The following SCP2 variants were observed in gnomAD, a reference collection of about 807,000 sequenced individuals.
SCP2 encodes SCP-2/3-oxoacyl-CoA thiolase.
Under a neutral mutation model 71.4 loss-of-function variants are expected in SCP2, and 48 were observed. The ratio of observed to expected loss-of-function variants is 0.67; its 90% CI spans 0.53 to 0.86. The LOEUF (loss-of-function observed/expected upper bound fraction) is 0.86. Among genes scored for constraint, SCP2 ranks in the 40% least tolerant of loss-of-function variants. The probability of loss-of-function intolerance (pLI) is 0.00; values close to 1 mark genes in which losing one functional copy is unlikely to be tolerated. For synonymous variants in SCP2, 220 were observed against 218.1 expected, an observed-to-expected ratio of 1.01 and a Z score of -0.08; for missense variants, 560 against 655.6, an observed-to-expected ratio of 0.85 and a Z score of 1.59.
intron 5 of SCP2, among the ~76,000 whole-genome samples, chr1:52,960,666 A>G (rs1308776137): frequency 8.8e-5 from 13 of 147,042 alleles, no homozygotes; most frequent in African/African-American, 2.8e-4. Context: ...GTGTATATAT[A>G]TGTATGTGTA....
intron 10 of SCP2, 113 bp from the exon 11 acceptor site, chr1:52,987,916 G>C (rs1659140179): frequency 1.1e-5 from 8 of 699,954 alleles, no homozygotes; most frequent in South Asian, 7.9e-5. Flanking sequence ...AGTTTGAACT[G>C]TTAAGAAATA....
chr1:53,001,439 C>A (rs1392152368), intron 11 of SCP2, among the ~76,000 whole-genome samples: 1 of 152,164 alleles, frequency 6.6e-6, no homozygotes, highest in Non-Finnish European at 1.5e-5. Context: ...GGTTTAATTC[C>A]TTCTTGCCTA....
Position 52,980,694 on chromosome 1 carries a change from G to A in SCP2, c.973+151G>A, listed in dbSNP as rs116807594. On this transcript the variant is annotated intron_variant, in intron 10 of 15. Transcript: ENST00000371514. ...ATGAATGTAAGCTGTTTTGGTAGTG[G>A]ACGTTTTAGAACTTGTGGTATTAGG... The A allele has an allele frequency of 1.5e-3, 1,170 of 768,624 alleles. 21 individuals carry two copies. The African/African-American group carries it at 0.019, about 12-fold the overall frequency. The allele number at this position is 768,624 out of a possible 1,614,324, so 47.6% of individuals were successfully genotyped here. A position where few individuals can be genotyped will look rare whatever the true frequency, so the allele number is the denominator to read the frequency against.
chr1:52,934,592 CTTTTTTTTTTTTTTTTTTTT>C (rs771433635), intron 1 of SCP2, among the ~76,000 whole-genome samples: 9 of 29,058 alleles, frequency 3.1e-4, no homozygotes, highest in South Asian at 2.0e-3. Context: ...TTCCAGCTAA[CTTTTTTTTTTTTTTTTTTTT>C]TTTTTTTTTT....
intron 12 of SCP2, among the ~76,000 whole-genome samples, chr1:53,016,978 A>T (rs1661380657): frequency 6.6e-6 from 1 of 152,186 alleles, no homozygotes. Context: ...TGAACAATGA[A>T]GAGGAGAGGT....
chr1:53,016,263 A>G (rs549242651), intron 12 of SCP2, among the ~76,000 whole-genome samples: 1 of 152,132 alleles, frequency 6.6e-6, no homozygotes, highest in Non-Finnish European at 1.5e-5. Flanking sequence ...CTCTTTTTGA[A>G]TATCCACAGC....
rs759324875 is a variant in SCP2 at position 53,050,858 on chromosome 1, A to G, written c.*154A>G. ...GGGTGTGACCAATCCTGTTTTTCCT[A>G]TGCTCTGGGTGAATAGAGCCTGATG... On this transcript the variant is annotated 3_prime_UTR_variant, in exon 16 of 16. Coordinates refer to ENST00000371514, the MANE Select transcript of SCP2 (RefSeq NM_002979.5). The G allele has an allele frequency of 1.6e-5, 10 of 633,264 alleles. No individual in the cohort carries two copies. Among genetic ancestry groups the G allele is most frequent in the Non-Finnish European group, 2.3e-5 (8 of 352,064 alleles). The allele number at this position is 633,264 out of a possible 1,614,324, so 39.2% of individuals were successfully genotyped here. A position where few individuals can be genotyped will look rare whatever the true frequency, so the allele number is the denominator to read the frequency against.
chr1:52,989,246 TAAC>T (rs1260843896), intron 11 of SCP2, among the ~76,000 whole-genome samples: 2 of 152,110 alleles, frequency 1.3e-5, no homozygotes, highest in African/African-American at 4.8e-5. Flanking sequence ...AGTGGCAAAA[TAAC>T]AACATCCAAA....
chr1:52,934,837 T>C (rs2150099974), intron 1 of SCP2: 1 of 149,706 alleles, frequency 6.7e-6, no homozygotes, highest in Non-Finnish European at 1.5e-5. Context: ...GCTAATTTTT[T>C]TGTATTTTTA....
At chr1:52,938,099 A>G (rs1653895694) in intron 1 of SCP2, among the ~76,000 whole-genome samples, 1 of 152,184 alleles carries the variant, frequency 6.6e-6, no homozygotes, top group Non-Finnish European at 1.5e-5. Flanking sequence ...ATAATGAGCA[A>G]TGAGGGCAAC....
intron 11 of SCP2, among the ~76,000 whole-genome samples, chr1:52,991,364 G>T (rs1384219703): frequency 1.3e-5 from 2 of 151,348 alleles, no homozygotes; most frequent in Non-Finnish European, 3.0e-5. Context: ...TTGTTTGTTT[G>T]TTTGCCAGTA....
chr1:52,956,211 G>A (rs1031376879), intron 5 of SCP2, among the ~76,000 whole-genome samples: 6 of 152,164 alleles, frequency 3.9e-5, no homozygotes, highest in Non-Finnish European at 8.8e-5. Context: ...GGCTGAGGCA[G>A]GAGAATCGCC....
intron 13 of SCP2, among the ~76,000 whole-genome samples, chr1:53,031,660 C>T (rs1662553150): frequency 6.6e-6 from 1 of 152,196 alleles, no homozygotes. Flanking sequence ...AATTTCACAA[C>T]TGTATTTTAT....
At chr1:52,994,089 C>T in intron 11 of SCP2, 1 of 1,065,982 alleles carries the variant, frequency 9.4e-7, no homozygotes, top group Non-Finnish European at 1.1e-6. Flanking sequence ...TATTTTAAAA[C>T]TATTTTCTGC....
At chr1:53,033,510 CAGG>C in intron 13 of SCP2, among the ~76,000 whole-genome samples, 1 of 148,258 alleles carries the variant, frequency 6.7e-6, no homozygotes, top group South Asian at 2.1e-4. Flanking sequence ...GAGGCTGAGG[CAGG>C]AGAATCACTT....
At chr1:52,989,674 T>A (rs1363680026) in intron 11 of SCP2, among the ~76,000 whole-genome samples, 6 of 152,124 alleles carry the variant, frequency 3.9e-5, no homozygotes, top group Non-Finnish European at 1.5e-5. Flanking sequence ...ACTCACCCAG[T>A]GCAAAGAGTA....
intron 14 of SCP2, among the ~76,000 whole-genome samples, chr1:53,043,165 T>C (rs1663552907): frequency 6.6e-6 from 1 of 152,190 alleles, no homozygotes; most frequent in Non-Finnish European, 1.5e-5. Flanking sequence ...AGATCTAGGC[T>C]CTGTCACTCA....
intron 12 of SCP2, among the ~76,000 whole-genome samples, chr1:53,015,958 T>C (rs1302588818): frequency 6.6e-6 from 1 of 152,216 alleles, no homozygotes; most frequent in East Asian, 1.9e-4. Context: ...GGCTCCCTTT[T>C]TTCTTTTGAA....
At chr1:52,968,167 C>T (rs1221139443) in intron 6 of SCP2, among the ~76,000 whole-genome samples, 1 of 152,186 alleles carries the variant, frequency 6.6e-6, no homozygotes, top group African/African-American at 2.4e-5. Flanking sequence ...GTCTCTAACT[C>T]CTGACCTCAG....
Sources: gnomAD v4.1 joint callset for allele counts (sites outside exome capture counted in the v4.1 genomes callset) on GRCh38, gnomAD v4.1.1 for gene constraint, MANE v1.5 for transcripts, NCBI Gene and HGNC (gene_info 2026-07-23, HGNC 2026-07-21) for gene names.